RNF149: variants seen among roughly 807,000 people sequenced by gnomAD.
The protein encoded by RNF149 is E3 ubiquitin-protein ligase RNF149.
RNF149 carries 21 observed loss-of-function variants against 39.0 expected under a neutral mutation model. The ratio of observed to expected loss-of-function variants is 0.54; its 90% CI spans 0.38 to 0.77. RNF149 has a LOEUF of 0.77. RNF149 is among the 30% of genes least tolerant of loss of function. The pLI, the probability that RNF149 is intolerant of heterozygous loss-of-function variation, is 0.00. For missense variants in RNF149, 493 were observed against 534.9 expected (o/e 0.92, Z 0.77); for synonymous variants, 209 against 213.6 (o/e 0.98, Z 0.19).
At chr2:101,299,829 G>T (rs538755434) in intron 1 of RNF149, among the ~76,000 whole-genome samples, 1 of 152,278 alleles carries the variant, frequency 6.6e-6, no homozygotes, top group African/African-American at 2.4e-5. Context: ...GAAATCCCAG[G>T]GAGTTGCTCA....
At chr2:101,300,602 T>G (rs1346895894) in intron 1 of RNF149, among the ~76,000 whole-genome samples, 1 of 152,150 alleles carries the variant, frequency 6.6e-6, no homozygotes, top group African/African-American at 2.4e-5. Flanking sequence ...CGCTTGACCC[T>G]AGGGAGTTTG....
intron 6 of RNF149, among the ~76,000 whole-genome samples, chr2:101,280,104 A>G (rs1469016169): frequency 6.6e-6 from 1 of 152,018 alleles, no homozygotes; most frequent in African/African-American, 2.4e-5. Context: ...TGAACCCAGG[A>G]GGCAGAGGCT....
intron 1 of RNF149, among the ~76,000 whole-genome samples, chr2:101,305,809 T>C (rs1013280766): frequency 2.0e-5 from 3 of 152,200 alleles, no homozygotes; most frequent in Non-Finnish European, 4.4e-5. Context: ...GCTAATCTTT[T>C]AAACTCCTTG....
At chr2:101,296,072 C>A (rs892793720) in intron 1 of RNF149, among the ~76,000 whole-genome samples, 1 of 152,150 alleles carries the variant, frequency 6.6e-6, no homozygotes, top group African/African-American at 2.4e-5. Flanking sequence ...GAGCTGAGAT[C>A]ATGCTACTGC....
At chr2:101,275,535 G>C (rs1414984824), downstream of RNF149, among the ~76,000 whole-genome samples, 2 of 133,436 alleles carry the variant, frequency 1.5e-5, no homozygotes, top group East Asian at 4.7e-4. Context: ...TCTGCCTTCC[G>C]GGTTCACGCC....
chr2:101,297,403 A>AT (rs1683274845), intron 1 of RNF149, among the ~76,000 whole-genome samples: 1 of 152,002 alleles, frequency 6.6e-6, no homozygotes, highest in African/African-American at 2.4e-5. Flanking sequence ...GTCACCCAGG[A>AT]TGGAGTACAG....
intron 1 of RNF149, among the ~76,000 whole-genome samples, chr2:101,304,835 ATTTTTTTT>A (rs11340908): frequency 4.5e-5 from 4 of 89,750 alleles, no homozygotes; most frequent in Non-Finnish European, 8.7e-5. Flanking sequence ...GACTACTAGT[ATTTTTTTT>A]TTTTTTTTTT....
intron 1 of RNF149, among the ~76,000 whole-genome samples, chr2:101,302,111 A>G (rs1334353259): frequency 6.6e-6 from 1 of 152,214 alleles, no homozygotes; most frequent in Non-Finnish European, 1.5e-5. Flanking sequence ...TTTCAGCACC[A>G]TCTGCCTCTT....
At chr2:101,273,193 C>A, downstream of RNF149, 1 of 1,163,082 alleles carries the variant, frequency 8.6e-7, no homozygotes. Context: ...ACCCAGAACG[C>A]CAGTCCAGAC....
chr2:101,273,434 T>C (rs1329127296), downstream of RNF149: 2 of 439,932 alleles, frequency 4.5e-6, no homozygotes, highest in African/African-American at 2.1e-5. Flanking sequence ...CTGCATCTTA[T>C]CAACTTAAAA....
downstream of RNF149, among the ~76,000 whole-genome samples, chr2:101,275,452 T>G: frequency 9.5e-6 from 1 of 105,072 alleles, no homozygotes; most frequent in Non-Finnish European, 1.9e-5. Context: ...TTTTTTTTTT[T>G]TTTTTTTGAG....
At position 101,276,374 on chromosome 2, in the gene RNF149, A is replaced by G. The variant is rs1682344661; in HGVS notation, c.*864T>C. ...ATGGTATTAAATCTGCTTAAACTCTAATCAAGAAAACTGGTTATTTCGAGT... is the reference window on the plus strand; with the variant it reads ...ATGGTATTAAATCTGCTTAAACTCTGATCAAGAAAACTGGTTATTTCGAGT... On this transcript the variant is annotated 3_prime_UTR_variant, in exon 7 of 7. Coordinates refer to ENST00000295317, the MANE Select transcript of RNF149 (RefSeq NM_173647.4). 2 of 985,894 alleles carry G rather than the reference A, an allele frequency of 2.0e-6. No homozygotes were observed. Among genetic ancestry groups the G allele is most frequent in the South Asian group, 9.4e-5 (2 of 21,292 alleles). The allele number at this position is 985,894 out of a possible 1,614,324, so 61.1% of individuals were successfully genotyped here.
At chr2:101,288,473 C>T (rs752764072) in intron 4 of RNF149, among the ~76,000 whole-genome samples, 2 of 151,902 alleles carry the variant, frequency 1.3e-5, no homozygotes, top group African/African-American at 4.8e-5. Context: ...CCTGCATCAG[C>T]CTCCCAAAGT....
At chr2:101,279,151 G>A (rs1008664067) in intron 6 of RNF149, among the ~76,000 whole-genome samples, 6 of 152,160 alleles carry the variant, frequency 3.9e-5, no homozygotes, top group Non-Finnish European at 7.4e-5. Flanking sequence ...TTAAAAAAAG[G>A]ACAAAGAGAA....
At chr2:101,291,127 G>A (rs1464830312) in intron 3 of RNF149, among the ~76,000 whole-genome samples, 1 of 152,112 alleles carries the variant, frequency 6.6e-6, no homozygotes. Context: ...TATGGAAGCA[G>A]TAAACATTTT....
intron 3 of RNF149, among the ~76,000 whole-genome samples, chr2:101,291,800 C>A (rs921218405): frequency 6.6e-6 from 1 of 152,158 alleles, no homozygotes; most frequent in Non-Finnish European, 1.5e-5. Context: ...ACACTAGTCT[C>A]TCTAGAATGG....
At chr2:101,288,399 G>A (rs753694372) in intron 4 of RNF149, among the ~76,000 whole-genome samples, 9 of 151,742 alleles carry the variant, frequency 5.9e-5, no homozygotes, top group African/African-American at 2.2e-4. Flanking sequence ...TACCACACCC[G>A]GCTAATTTTT....
At chr2:101,289,703 G>A (rs571111929) in intron 3 of RNF149, among the ~76,000 whole-genome samples, 1 of 132,576 alleles carries the variant, frequency 7.5e-6, no homozygotes, top group South Asian at 2.7e-4. Flanking sequence ...GCAAGACTCT[G>A]TCTCAAAAAA....
intron 2 of RNF149, 118 bp downstream of exon 2, chr2:101,294,813 A>C (rs887821280): frequency 4.5e-6 from 4 of 880,270 alleles, no homozygotes; most frequent in Non-Finnish European, 7.0e-6. Context: ...CATGTTGAAT[A>C]CTTAAATAAT....
Sources: allele counts gnomAD v4.1 joint callset (sites outside exome capture counted in the v4.1 genomes callset), GRCh38; gene constraint gnomAD v4.1.1; transcripts MANE v1.5; gene names NCBI Gene and HGNC (gene_info 2026-07-23, HGNC 2026-07-21).